DSTN: variants seen among roughly 807,000 people sequenced by gnomAD.
The protein encoded by DSTN is destrin, actin depolymerizing factor.
A neutral mutation model predicts 16.8 loss-of-function variants in DSTN; 10 were observed. That is an observed-to-expected ratio of 0.60 (90% CI 0.37 to 1.01). DSTN has a LOEUF of 1.01. Among genes scored for constraint, DSTN ranks in the 50% least tolerant of loss-of-function variants. The pLI is 0.01. For synonymous variants in DSTN, 57 were observed against 58.9 expected, an observed-to-expected ratio of 0.97 and a Z score of 0.14; for missense variants, 141 against 196.7, an observed-to-expected ratio of 0.72 and a Z score of 1.69.
intron 1 of DSTN, among the ~76,000 whole-genome samples, chr20:17,573,168 C>T (rs2035227058): frequency 6.6e-6 from 1 of 152,186 alleles, no homozygotes. Flanking sequence ...CAGTAGTCAC[C>T]TGAAATTGAT....
At chr20:17,590,640 T>TG (rs1472106128) in intron 1 of DSTN, among the ~76,000 whole-genome samples, 1 of 152,242 alleles carries the variant, frequency 6.6e-6, no homozygotes. Context: ...GCAGCAAACT[T>TG]GGTGCTATGT....
intron 1 of DSTN, among the ~76,000 whole-genome samples, chr20:17,576,775 C>G (rs1230077362): frequency 6.6e-6 from 1 of 152,174 alleles, no homozygotes; most frequent in African/African-American, 2.4e-5. Context: ...GTTGTTATTT[C>G]TGTTTGCCTT....
intron 1 of DSTN, among the ~76,000 whole-genome samples, chr20:17,578,948 C>G (rs1207971799): frequency 3.5e-4 from 35 of 99,712 alleles, no homozygotes; most frequent in Non-Finnish European, 3.3e-4. Context: ...ACAACAAGAG[C>G]GAAATTCCAT....
chr20:17,609,256 T>G lies in DSTN; in HGVS notation c.*2110T>G, dbSNP rs1255741576. 1 of 152,118 alleles carries G rather than the reference T, an allele frequency of 6.6e-6. No individual in the cohort carries two copies. The highest frequency in any genetic ancestry group is 1.5e-5 in the Non-Finnish European group (1 of 68,028). The allele number at this position is 152,118 out of a possible 1,614,324, so 9.4% of individuals were successfully genotyped here. On this transcript the variant is annotated 3_prime_UTR_variant, in exon 4 of 4. Coordinates refer to ENST00000246069, the MANE Select transcript of DSTN (RefSeq NM_006870.4). ...TCTCACTCTTTCCCCCAGGCTAGAG[T>G]GCAGTGGTGCAATCATAACTCACTG...
chr20:17,579,049 G>A (rs529608726), intron 1 of DSTN, among the ~76,000 whole-genome samples: 10 of 151,352 alleles, frequency 6.6e-5, no homozygotes, highest in African/African-American at 2.4e-4. Flanking sequence ...CCTTATAGCA[G>A]TTCATTGAGA....
intron 1 of DSTN, chr20:17,591,978 C>G (rs940001588): frequency 1.0e-6 from 1 of 985,266 alleles, no homozygotes; most frequent in Non-Finnish European, 1.2e-6. Flanking sequence ...GAGCTACCAG[C>G]GTATTGAGAG....
At chr20:17,587,303 G>A (rs2035421219) in intron 1 of DSTN, among the ~76,000 whole-genome samples, 2 of 150,958 alleles carry the variant, frequency 1.3e-5, no homozygotes, top group African/African-American at 2.4e-5. Context: ...GTCTTGCTCT[G>A]TTGCCCAGGC....
At chr20:17,593,770 G>A (rs2035496032) in intron 1 of DSTN, among the ~76,000 whole-genome samples, 1 of 152,124 alleles carries the variant, frequency 6.6e-6, no homozygotes, top group Admixed American at 6.5e-5. Context: ...TAAAGAGGTA[G>A]GTATAGCCAA....
At chr20:17,598,126 C>G (rs1228819686) in intron 1 of DSTN, among the ~76,000 whole-genome samples, 1 of 152,034 alleles carries the variant, frequency 6.6e-6, no homozygotes, top group Non-Finnish European at 1.5e-5. Flanking sequence ...CACTTTTGGT[C>G]TATTTTGAAT....
At chr20:17,588,310 C>A (rs900620574) in intron 1 of DSTN, among the ~76,000 whole-genome samples, 1 of 152,224 alleles carries the variant, frequency 6.6e-6, no homozygotes, top group Non-Finnish European at 1.5e-5. Flanking sequence ...CCAGACTTAA[C>A]CAATGTACAC....
At chr20:17,581,081 G>A (rs1233984902) in intron 1 of DSTN, among the ~76,000 whole-genome samples, 1 of 152,204 alleles carries the variant, frequency 6.6e-6, no homozygotes, top group Non-Finnish European at 1.5e-5. Flanking sequence ...GGAAGCCATT[G>A]GGTGTGTGAT....
intron 1 of DSTN, chr20:17,576,471 A>T (rs554166380): frequency 6.3e-6 from 1 of 159,816 alleles, no homozygotes; most frequent in East Asian, 1.9e-4. Context: ...CTGGTGATCA[A>T]TGGGGTGACA....
At chr20:17,570,335 T>C (rs1355967074) in intron 1 of DSTN, 124 bp downstream of exon 1, 2 of 1,287,042 alleles carry the variant, frequency 1.6e-6, no homozygotes, top group African/African-American at 1.6e-5. Context: ...CCGGTCCGGC[T>C]GCAGTGTCCG....
chr20:17,592,180 T>C, intron 1 of DSTN: 1 of 876,732 alleles, frequency 1.1e-6, no homozygotes, highest in Non-Finnish European at 1.4e-6. Flanking sequence ...AATCCCAGCA[T>C]TTTGGGAGGC....
intron 2 of DSTN, among the ~76,000 whole-genome samples, chr20:17,603,620 ACTAAT>A (rs368848671): frequency 9.5e-4 from 145 of 152,342 alleles, no homozygotes; most frequent in African/African-American, 3.4e-3. Context: ...TCTGTCCGTT[ACTAAT>A]CATCCTTATT....
chr20:17,570,964 T>A (rs912657160), intron 1 of DSTN, among the ~76,000 whole-genome samples: 1 of 152,184 alleles, frequency 6.6e-6, no homozygotes, highest in African/African-American at 2.4e-5. Context: ...CAGAACTTGG[T>A]GCGCAAGGTG....
chr20:17,578,067 A>G (rs1415209579), intron 1 of DSTN, among the ~76,000 whole-genome samples: 2 of 152,252 alleles, frequency 1.3e-5, no homozygotes, highest in Non-Finnish European at 2.9e-5. Flanking sequence ...GAGTTGGCCT[A>G]CTTAATTTGT....
intron 1 of DSTN, among the ~76,000 whole-genome samples, chr20:17,570,612 C>G (rs1333146780): frequency 6.6e-6 from 1 of 151,290 alleles, no homozygotes; most frequent in Non-Finnish European, 1.5e-5. Context: ...ATCCGGCCAC[C>G]GTCCTTGTTG....
At chr20:17,574,838 T>G (rs1300900440) in intron 1 of DSTN, among the ~76,000 whole-genome samples, 3 of 146,538 alleles carry the variant, frequency 2.0e-5, no homozygotes, top group Non-Finnish European at 3.0e-5. Flanking sequence ...CCTTTCTTTT[T>G]TCTTTCTTTT....
Sources: gnomAD v4.1 joint callset for allele counts (sites outside exome capture counted in the v4.1 genomes callset) on GRCh38, gnomAD v4.1.1 for gene constraint, MANE v1.5 for transcripts, NCBI Gene and HGNC (gene_info 2026-07-23, HGNC 2026-07-21) for gene names.